The following UTRN variants were observed in gnomAD, a reference collection of about 807,000 sequenced individuals.
UTRN encodes the protein utrophin.
A neutral mutation model predicts 463.9 loss-of-function variants in UTRN; 283 were observed. The ratio of observed to expected loss-of-function variants is 0.61; its 90% confidence interval spans 0.55 to 0.67. UTRN has a LOEUF of 0.67. Among genes scored for constraint, UTRN ranks in the 30% least tolerant of loss-of-function variants. The pLI is 0.00. For missense variants in UTRN, 3,922 were observed against 4,084.3 expected (o/e 0.96, Z 1.08); for synonymous variants, 1,442 against 1,431.5 (o/e 1.01, Z -0.17).
intron 45 of UTRN, among the ~76,000 whole-genome samples, chr6:144,541,245 A>T (rs189202004): frequency 1.3e-5 from 2 of 152,254 alleles, no homozygotes; most frequent in African/African-American, 4.8e-5. Context: ...GCGTCCTGTG[A>T]TCTCTCCTAC....
chr6:144,650,164 T>G (rs1282202338), intron 51 of UTRN, among the ~76,000 whole-genome samples: 1 of 152,096 alleles, frequency 6.6e-6, no homozygotes, highest in Non-Finnish European at 1.5e-5. Context: ...TCAGATCTCA[T>G]CAGACTTATT....
intron 51 of UTRN, among the ~76,000 whole-genome samples, chr6:144,640,881 A>C (rs1012287834): frequency 6.6e-6 from 1 of 152,224 alleles, no homozygotes; most frequent in Non-Finnish European, 1.5e-5. Context: ...TCATTTGAAG[A>C]CCAGAAGTTC....
chr6:144,420,689 A>C (rs1304835745), intron 3 of UTRN, among the ~76,000 whole-genome samples: 1 of 152,234 alleles, frequency 6.6e-6, no homozygotes, highest in Non-Finnish European at 1.5e-5. Flanking sequence ...AAGTGCCTTA[A>C]GTGTTAAGAA....
chr6:144,696,806 A>G (rs1021103448), intron 52 of UTRN, among the ~76,000 whole-genome samples: 1 of 152,128 alleles, frequency 6.6e-6, no homozygotes, highest in Non-Finnish European at 1.5e-5. Flanking sequence ...GAAAAACTGT[A>G]TTTTATTTTA....
At chr6:144,706,523 A>G (rs1268975905) in intron 53 of UTRN, among the ~76,000 whole-genome samples, 1 of 141,628 alleles carries the variant, frequency 7.1e-6, no homozygotes, top group East Asian at 1.9e-4. Context: ...CTTTATTTTG[A>G]AAAAAAATCA....
At chr6:144,823,949 C>A (rs1779809542) in intron 66 of UTRN, among the ~76,000 whole-genome samples, 1 of 152,120 alleles carries the variant, frequency 6.6e-6, no homozygotes, top group Non-Finnish European at 1.5e-5. Flanking sequence ...ATAAGTTTAA[C>A]TACAGTTGCA....
intron 24 of UTRN, among the ~76,000 whole-genome samples, chr6:144,474,239 A>G (rs1001947618): frequency 2.0e-5 from 3 of 151,724 alleles, no homozygotes; most frequent in African/African-American, 4.8e-5. Flanking sequence ...GCAATATACA[A>G]TGACTCCATG....
rs1789138779 is a variant in UTRN, at chr6:144,458,936, G to T, written c.2451G>T (p.Lys817Asn). ...AGCTTGAAAAGGTCATCAAGACAAA[G>T]GAGGAGTGGGTAAAACACACTTCCA... The part of the protein sequence containing the change: ...LDELEKVIKT[K>N]EEWVKHTSIS... Residue 817 changes from lysine (K) to asparagine (N), a missense_variant, in exon 20 of 75, where the codon AAG becomes AAT. This residue lies in a region of UTRN where 2,349 missense variants were observed against 2,303.8 expected (regional missense o/e 1.02). Coordinates refer to ENST00000367545, the MANE Select transcript of UTRN (RefSeq NM_007124.3). 1 of 1,613,710 alleles carries T rather than the reference G, an allele frequency of 6.2e-7. No homozygotes were observed. Among genetic ancestry groups the T allele is most frequent in the Admixed American group, 1.7e-5 (1 of 59,906 alleles).
chr6:144,441,822 C>G (rs1787195166), intron 13 of UTRN, among the ~76,000 whole-genome samples: 1 of 152,202 alleles, frequency 6.6e-6, no homozygotes, highest in South Asian at 2.1e-4. Context: ...GTTCCCAAAC[C>G]TCAATTCTTG....
At chr6:144,555,770 T>C (rs1420003394) in intron 49 of UTRN, among the ~76,000 whole-genome samples, 1 of 152,212 alleles carries the variant, frequency 6.6e-6, no homozygotes, top group African/African-American at 2.4e-5. Context: ...TTCATCCCCA[T>C]GATCCAGTCA....
intron 9 of UTRN, among the ~76,000 whole-genome samples, chr6:144,432,350 C>G (rs1785939591): frequency 6.6e-6 from 1 of 151,998 alleles, no homozygotes; most frequent in Admixed American, 6.6e-5. Context: ...AAATACAACT[C>G]TCTGTCTCTC....
At chr6:144,800,294 T>A (rs62427232) in intron 64 of UTRN, among the ~76,000 whole-genome samples, 38,101 of 152,140 alleles carry the variant, frequency 0.25, 5,903 homozygotes, top group East Asian at 0.7. Flanking sequence ...GGGACATGGA[T>A]GTTTATTATA....
At chr6:144,581,628 G>A (rs1196928819) in intron 51 of UTRN, among the ~76,000 whole-genome samples, 1 of 152,138 alleles carries the variant, frequency 6.6e-6, no homozygotes, top group Non-Finnish European at 1.5e-5. Flanking sequence ...ATCTCATGGG[G>A]ACTTCATCTG....
At chr6:144,673,282 C>T (rs1781241807) in intron 51 of UTRN, among the ~76,000 whole-genome samples, 1 of 151,986 alleles carries the variant, frequency 6.6e-6, no homozygotes, top group Non-Finnish European at 1.5e-5. Context: ...TATTGAAGTC[C>T]CCTACAATTA....
At chr6:144,776,582 CA>C (rs1410950710) in intron 60 of UTRN, among the ~76,000 whole-genome samples, 1 of 152,150 alleles carries the variant, frequency 6.6e-6, no homozygotes, top group Non-Finnish European at 1.5e-5. Flanking sequence ...GCCCTGCTTA[CA>C]AAAGATTCCT....
rs775971343 is a variant in UTRN at position 144,479,963 on chromosome 6, G to T, written c.3488G>T (p.Ser1163Ile). The change falls in exon 26 of 75, where the codon AGT becomes ATT. Residue 1163 changes from serine to isoleucine, a missense_variant. Transcript: ENST00000367545. Reference sequence around the variant, plus strand: ...TACAAGTCACCAGAAGAGCTTGAGAGTGCTGTGGAAGAGATGAAGGTGAGG... The same window carrying T: ...TACAAGTCACCAGAAGAGCTTGAGATTGCTGTGGAAGAGATGAAGGTGAGG... ...FEYKSPEELE[S>I]AVEEMKRAKE... 8 of 1,614,046 alleles carry T rather than the reference G, an allele frequency of 5.0e-6. No individual in the cohort carries two copies. In the African/African-American group the frequency reaches 9.3e-5, roughly 19 times the overall value.
At chr6:144,680,952 C>T (rs1782135729) in intron 52 of UTRN, among the ~76,000 whole-genome samples, 2 of 152,184 alleles carry the variant, frequency 1.3e-5, no homozygotes, top group African/African-American at 4.8e-5. Context: ...CTATGTGTAA[C>T]CAAGCTCCCT....
intron 51 of UTRN, among the ~76,000 whole-genome samples, chr6:144,637,056 C>G (rs1279902395): frequency 6.6e-6 from 1 of 152,226 alleles, no homozygotes; most frequent in Non-Finnish European, 1.5e-5. Context: ...GCAACCTCTG[C>G]TGCCTGGGCT....
chr6:144,709,318 G>C (rs544399069), intron 53 of UTRN, among the ~76,000 whole-genome samples: 1 of 152,224 alleles, frequency 6.6e-6, no homozygotes, highest in South Asian at 2.1e-4. Flanking sequence ...CTGAAATAAA[G>C]TTGCTTCTCT....
Sources: gnomAD v4.1 joint callset for allele counts (sites outside exome capture counted in the v4.1 genomes callset) on GRCh38, gnomAD v4.1.1 for gene constraint, gnomAD v4.1.1 regional missense constraint, MANE v1.5 for transcripts, NCBI Gene and HGNC (gene_info 2026-07-23, HGNC 2026-07-21) for gene names.